TRAPPC9: variants seen among roughly 807,000 people sequenced by gnomAD.
TRAPPC9 encodes the protein IKK2 binding protein.
In TRAPPC9, 83 loss-of-function variants were observed where a neutral mutation model predicts 124.0. The ratio of observed to expected loss-of-function variants is 0.67; its 90% confidence interval spans 0.56 to 0.80. The LOEUF is 0.80. Among genes scored for constraint, TRAPPC9 ranks in the 30% least tolerant of loss-of-function variants. TRAPPC9 has a pLI of 0.00. For missense variants in TRAPPC9, 1,302 were observed against 1,508.3 expected, an observed-to-expected ratio of 0.86 and a Z score of 2.27; for synonymous variants, 638 against 617.5, an observed-to-expected ratio of 1.03 and a Z score of -0.49.
chr8:140,347,735 T>C (rs1328000719), intron 9 of TRAPPC9, among the ~76,000 whole-genome samples: 1 of 152,206 alleles, frequency 6.6e-6, no homozygotes, highest in African/African-American at 2.4e-5. Flanking sequence ...ACTGTAGTAG[T>C]CTTAAATAAA....
At position 139,829,543 on chromosome 8, in the gene TRAPPC9, C is replaced by T. The variant is rs555093504; in HGVS notation, c.3055+56336G>A. 3.8e-4 allele frequency among the ~76,000 whole-genome samples: 58 copies of T among 152,318 alleles called. 1 individual carries two copies. Among genetic ancestry groups the T allele is most frequent in the African/African-American group, 1.4e-3 (57 of 41,568 alleles). Reference sequence around the variant, plus strand: ...TAACACACAGTCCCAGGAGGAGCAACGTCTGGATACCCCCATCTGGAGATG... The same window carrying T: ...TAACACACAGTCCCAGGAGGAGCAATGTCTGGATACCCCCATCTGGAGATG... On this transcript the variant is annotated intron_variant, in intron 21 of 22. Transcript: ENST00000438773.
intron 17 of TRAPPC9, among the ~76,000 whole-genome samples, chr8:140,110,165 C>T (rs2060737665): frequency 6.6e-6 from 1 of 151,646 alleles, no homozygotes; most frequent in Non-Finnish European, 1.5e-5. Flanking sequence ...CTGCTCTTCC[C>T]AAAGAGCCCA....
At chr8:139,744,230 G>A (rs937738233) in intron 21 of TRAPPC9, among the ~76,000 whole-genome samples, 10 of 152,230 alleles carry the variant, frequency 6.6e-5, no homozygotes, top group East Asian at 1.9e-4. Flanking sequence ...AGCGAGAAGC[G>A]TGGATAATGG....
chr8:140,387,017 T>G (rs984186756), intron 7 of TRAPPC9, among the ~76,000 whole-genome samples: 4 of 151,968 alleles, frequency 2.6e-5, no homozygotes, highest in African/African-American at 9.7e-5. Flanking sequence ...ATACCACACA[T>G]CTACAACCAT....
At chr8:140,119,777 C>G (rs889227430) in intron 17 of TRAPPC9, among the ~76,000 whole-genome samples, 3 of 152,186 alleles carry the variant, frequency 2.0e-5, no homozygotes, top group African/African-American at 7.2e-5. Context: ...ACCATGGGGT[C>G]TCTCAAATGT....
At chr8:140,418,024 A>G (rs966452993) in intron 5 of TRAPPC9, among the ~76,000 whole-genome samples, 8 of 152,168 alleles carry the variant, frequency 5.3e-5, no homozygotes, top group Admixed American at 5.2e-4. Flanking sequence ...TAACACATGG[A>G]CACAGGGAGG....
chr8:140,091,908 G>A (rs948908066), intron 17 of TRAPPC9, among the ~76,000 whole-genome samples: 7 of 151,836 alleles, frequency 4.6e-5, no homozygotes, highest in Non-Finnish European at 7.4e-5. Flanking sequence ...TTCTACAGTG[G>A]CGCCCATTCC....
At chr8:140,350,344 G>A (rs2067521704) in intron 9 of TRAPPC9, among the ~76,000 whole-genome samples, 1 of 152,184 alleles carries the variant, frequency 6.6e-6, no homozygotes, top group African/African-American at 2.4e-5. Context: ...GACCTGCAAG[G>A]TGCAATCACC....
intron 21 of TRAPPC9, among the ~76,000 whole-genome samples, chr8:139,867,842 G>A (rs935182113): frequency 6.6e-6 from 1 of 152,200 alleles, no homozygotes; most frequent in Non-Finnish European, 1.5e-5. Context: ...ACAGCTCAAC[G>A]CAGCAAATGA....
At chr8:139,893,950 G>A (rs1480337999) in intron 20 of TRAPPC9, among the ~76,000 whole-genome samples, 1 of 152,214 alleles carries the variant, frequency 6.6e-6, no homozygotes, top group Non-Finnish European at 1.5e-5. Flanking sequence ...GGGGCACGGG[G>A]CAGATGCAAG....
chr8:140,138,039 GC>G (rs1168466699), intron 17 of TRAPPC9, among the ~76,000 whole-genome samples: 1 of 152,150 alleles, frequency 6.6e-6, no homozygotes, highest in East Asian at 1.9e-4. Flanking sequence ...ACTGGCTCAC[GC>G]CTGTAATCCC....
At chr8:139,735,597 G>A (rs1306253495) in intron 21 of TRAPPC9, among the ~76,000 whole-genome samples, 1 of 152,160 alleles carries the variant, frequency 6.6e-6, no homozygotes, top group Non-Finnish European at 1.5e-5. Context: ...GTTCCATTAA[G>A]GGAAAGATAC....
intron 9 of TRAPPC9, among the ~76,000 whole-genome samples, chr8:140,345,154 C>T (rs1249684253): frequency 2.0e-5 from 3 of 152,230 alleles, no homozygotes; most frequent in African/African-American, 2.4e-5. Context: ...AGCCCCAGGG[C>T]CAGGTGAGAT....
intron 19 of TRAPPC9, among the ~76,000 whole-genome samples, chr8:139,920,271 A>G (rs1832426789): frequency 6.6e-6 from 1 of 152,240 alleles, no homozygotes; most frequent in African/African-American, 2.4e-5. Context: ...ACCTGGACTC[A>G]GGAGGTGGAG....
chr8:140,024,091 T>TA lies in TRAPPC9; in HGVS notation c.2557-13dup, dbSNP rs111869504. The TA allele has an allele frequency of 5.4e-4, 792 of 1,458,074 alleles. 2 individuals carry two copies. The highest frequency in any genetic ancestry group is 2.0e-3 in the African/African-American group (139 of 69,494). 90.3% of individuals were successfully genotyped at this position (1,458,074 alleles called of 1,614,324 possible). On this transcript the variant is annotated splice_polypyrimidine_tract_variant and intron_variant, in intron 17 of 22. Coordinates refer to ENST00000438773, the MANE Select transcript of TRAPPC9 (RefSeq NM_001160372.4). ...ACAGCTTCCAGGGTCTAAAAGATAT[T>TA]AAAAAAAAAAATACACACACACACA...
intron 9 of TRAPPC9, among the ~76,000 whole-genome samples, chr8:140,322,877 C>A (rs980271182): frequency 6.6e-6 from 1 of 152,178 alleles, no homozygotes; most frequent in Non-Finnish European, 1.5e-5. Context: ...AAGTAGAATA[C>A]AAGCATGATA....
intron 8 of TRAPPC9, among the ~76,000 whole-genome samples, chr8:140,362,495 GA>G (rs2067985366): frequency 6.6e-6 from 1 of 151,500 alleles, no homozygotes; most frequent in South Asian, 2.1e-4. Flanking sequence ...ACTTCTCATT[GA>G]AATCCTTGGA....
In TRAPPC9 at chr8:140,079,148, T is replaced by G. The variant is rs1843671504; in HGVS notation, c.2557-55069A>C. Among the ~76,000 whole-genome samples the G allele has an allele frequency of 2.0e-5, 3 of 152,218 alleles. No individual in the cohort carries two copies. In the South Asian group the frequency reaches 6.2e-4, roughly 32 times the overall value. On this transcript the variant is annotated intron_variant, in intron 17 of 22. Coordinates refer to ENST00000438773, the MANE Select transcript of TRAPPC9 (RefSeq NM_001160372.4). ...CTCTTGCCTGCTGCCATGTAAGACG[T>G]GACTTTGTTCCTCATTCACCTTCTG...
At chr8:140,200,442 A>G (rs2062761116) in intron 17 of TRAPPC9, among the ~76,000 whole-genome samples, 1 of 152,140 alleles carries the variant, frequency 6.6e-6, no homozygotes, top group African/African-American at 2.4e-5. Context: ...GAATATAGAA[A>G]GGGGACCAAA....
Sources: allele counts gnomAD v4.1 joint callset (sites outside exome capture counted in the v4.1 genomes callset), GRCh38; gene constraint gnomAD v4.1.1; transcripts MANE v1.5; gene names NCBI Gene and HGNC (gene_info 2026-07-23, HGNC 2026-07-21).